Variants in USP34 observed in about 807,000 individuals in gnomAD.
USP34 encodes the protein ubiquitin specific peptidase 34.
In USP34, 70 loss-of-function variants were observed where a neutral mutation model predicts 460.3. The observed-to-expected ratio is 0.15, with a 90% CI of 0.13 to 0.19. USP34 has a LOEUF of 0.19. USP34 is among the 10% of genes least tolerant of loss of function. The pLI is 1.00. For missense variants in USP34, 3,985 were observed against 4,236.2 expected (o/e 0.94, Z 1.65); for synonymous variants, 1,647 against 1,405.3 (o/e 1.17, Z -3.85).
intron 1 of USP34, among the ~76,000 whole-genome samples, chr2:61,465,570 T>A (rs1034018496): frequency 1.3e-5 from 2 of 152,120 alleles, no homozygotes; most frequent in African/African-American, 4.8e-5. Flanking sequence ...TGGCCAGGCA[T>A]GGTAGCTCAT....
chr2:61,214,198 A>G lies in USP34; in HGVS notation c.8544T>C (p.Arg2848=). The G allele has an allele frequency of 6.2e-7, 1 of 1,614,220 alleles. No individual in the cohort carries two copies. Among genetic ancestry groups the G allele is most frequent in the Non-Finnish European group, 8.5e-7 (1 of 1,180,026 alleles). Residue 2848 remains arginine (R), a synonymous_variant, in exon 68 of 80, where the codon CGT becomes CGC. Transcript: ENST00000398571. ...HDDQDVVLFN[R]GMLPAYYGIL... is the part of the protein sequence containing the mutation. ...TGCCATAGTACGCTGGCAGCATCCC[A>G]CGGTTAAAAAGCACCACATCCTGAT...
At chr2:61,334,352 G>C (rs1346008346) in intron 18 of USP34, among the ~76,000 whole-genome samples, 2 of 151,978 alleles carry the variant, frequency 1.3e-5, no homozygotes, top group Non-Finnish European at 2.9e-5. Flanking sequence ...GTCACTAATG[G>C]AAGCACACCA....
intron 1 of USP34, among the ~76,000 whole-genome samples, chr2:61,466,625 T>C (rs927586933): frequency 3.9e-5 from 6 of 151,930 alleles, no homozygotes; most frequent in Non-Finnish European, 7.4e-5. Flanking sequence ...TAAACAAAAT[T>C]TTTAGGCCAG....
At chr2:61,357,761 G>A (rs1692149631) in intron 10 of USP34, among the ~76,000 whole-genome samples, 1 of 152,186 alleles carries the variant, frequency 6.6e-6, no homozygotes, top group African/African-American at 2.4e-5. Flanking sequence ...AAATTAGCCA[G>A]GAGTGGTGGC....
chr2:61,214,734 T>C (rs1687352941), intron 67 of USP34, 40 bp from the exon 68 acceptor site: 1 of 1,601,000 alleles, frequency 6.2e-7, no homozygotes. Flanking sequence ...CCTTGTAAGA[T>C]ATAAAATAGA....
At chr2:61,465,760 G>A (rs561211281) in intron 1 of USP34, among the ~76,000 whole-genome samples, 3 of 151,704 alleles carry the variant, frequency 2.0e-5, no homozygotes, top group East Asian at 2.0e-4. Context: ...GGTGGATCAC[G>A]AGGTCAAGAG....
intron 20 of USP34, among the ~76,000 whole-genome samples, chr2:61,326,507 T>C (rs1691094582): frequency 6.6e-6 from 1 of 151,930 alleles, no homozygotes; most frequent in Admixed American, 6.6e-5. Context: ...GGATTACAGG[T>C]GTCAGCATGA....
chr2:61,385,986 G>C (rs1413533434), intron 5 of USP34, among the ~76,000 whole-genome samples: 1 of 133,144 alleles, frequency 7.5e-6, no homozygotes, highest in Non-Finnish European at 1.6e-5. Context: ...GACAAAGTGA[G>C]ACTCTGTCTC....
In USP34 at chr2:61,405,869, T is replaced by C. The variant is rs371735591; in HGVS notation, c.391A>G (p.Ile131Val). 11 of 1,613,786 alleles carry C rather than the reference T, an allele frequency of 6.8e-6. No individual in the cohort carries two copies. Among genetic ancestry groups the C allele is most frequent in the Admixed American group, 1.7e-5 (1 of 59,952 alleles). The stretch of plus-strand genomic sequence containing the variant: ...GATTCCTCCTCAGTCAGATTACAAA[T>C]TCTTGTAGAGTTTGATTTTTTTTCT... ...SIEKKSNSTRICNLTEEESSK... is the reference protein window; with the variant it reads ...SIEKKSNSTRVCNLTEEESSK... The change falls in exon 3 of 80, where the codon ATT (isoleucine) becomes GTT (valine). Residue 131 changes from isoleucine to valine, a missense_variant. Ile to Val is a conservative substitution (Grantham distance 29, BLOSUM62 3). Coordinates refer to ENST00000398571, the MANE Select transcript of USP34 (RefSeq NM_014709.4).
At chr2:61,383,539 C>T (rs1295801267) in intron 5 of USP34, among the ~76,000 whole-genome samples, 1 of 152,042 alleles carries the variant, frequency 6.6e-6, no homozygotes, top group Non-Finnish European at 1.5e-5. Context: ...CCCGTATCTA[C>T]TAAAAACACA....
intron 67 of USP34, among the ~76,000 whole-genome samples, chr2:61,217,950 A>G (rs1687450138): frequency 6.6e-6 from 1 of 152,136 alleles, no homozygotes; most frequent in African/African-American, 2.4e-5. Context: ...GCAAGACTCC[A>G]TCTCGAAAGA....
chr2:61,405,906 T>C lies in USP34; in HGVS notation c.354A>G (p.Arg118=). 1 of 1,613,790 alleles carries C rather than the reference T, an allele frequency of 6.2e-7. No homozygotes were observed. Among genetic ancestry groups the C allele is most frequent in the Non-Finnish European group, 8.5e-7 (1 of 1,179,964 alleles). Residue 118 remains arginine, a synonymous_variant, in exon 3 of 80, where the codon AGA becomes AGG. Coordinates refer to ENST00000398571, the MANE Select transcript of USP34 (RefSeq NM_014709.4). The part of the protein sequence containing the change: ...DRECNEGSTE[R]QKSIEKKSNS... Reference sequence around the variant, plus strand: ...TTGATTTTTTTTCTATTGATTTTTGTCTTTCTGTACTTCCTTCATTACACT... The same window carrying C: ...TTGATTTTTTTTCTATTGATTTTTGCCTTTCTGTACTTCCTTCATTACACT...
chr2:61,462,337 C>G (rs896994049), intron 1 of USP34, among the ~76,000 whole-genome samples: 1 of 151,666 alleles, frequency 6.6e-6, no homozygotes, highest in Non-Finnish European at 1.5e-5. Flanking sequence ...TCACTTGAGG[C>G]TAGGAGTTTG....
At chr2:61,366,971 C>T (rs1216809914) in intron 10 of USP34, among the ~76,000 whole-genome samples, 1 of 152,082 alleles carries the variant, frequency 6.6e-6, no homozygotes. Context: ...ATAACTTGAG[C>T]CCAGGAGGCA....
intron 75 of USP34, among the ~76,000 whole-genome samples, chr2:61,195,616 G>T (rs977723510): frequency 9.2e-5 from 14 of 151,742 alleles, no homozygotes; most frequent in African/African-American, 2.9e-4. Flanking sequence ...AAGTTGCAAT[G>T]AGACGAGATT....
In USP34 at chr2:61,206,776, A is replaced by C. The variant is rs184236134; in HGVS notation, c.9030T>G (p.Pro3010=). 1.9e-5 allele frequency: 31 copies of C among 1,613,544 alleles called. No homozygotes were observed. The highest frequency in any genetic ancestry group is 3.3e-5 in the Admixed American group (2 of 59,932). The change falls in exon 71 of 80, where the codon CCT becomes CCG. Residue 3010 remains proline (P), a synonymous_variant. Transcript: ENST00000398571. ...IFLSVLKSTR[P]YLQRKDVKQA... is the part of the protein sequence containing the mutation. Reference sequence around the variant, plus strand: ...TGAGCAAACCTTTTCTCTGAAGATAAGGGCGTGTAGACTTCAAAACCGAAA... The same window carrying C: ...TGAGCAAACCTTTTCTCTGAAGATACGGGCGTGTAGACTTCAAAACCGAAA...
chr2:61,344,156 T>C (rs1177605059), intron 15 of USP34, 127 bp from the exon 16 acceptor site: 3 of 823,922 alleles, frequency 3.6e-6, no homozygotes, highest in Non-Finnish European at 3.7e-6. Flanking sequence ...TTATTAACAA[T>C]ATGGAATGTT....
chr2:61,221,605 G>A lies in USP34; in HGVS notation c.7796C>T (p.Ala2599Val). 6.2e-7 allele frequency: 1 copy of A among 1,613,748 alleles called. No individual in the cohort carries two copies. Among genetic ancestry groups the A allele is most frequent in the African/African-American group, 1.3e-5 (1 of 75,024 alleles). Residue 2599 changes from alanine to valine, a missense_variant and splice_region_variant, in exon 66 of 80, where the codon GCA becomes GTA. Ala to Val is a moderately conservative substitution (Grantham distance 64). Transcript: ENST00000398571. ...FTSIAKLTPE[A>V]ANPFFKLLTM... ...CAACAACTTAAAGAAAGGATTGGCT[G>A]CCTGTAAAACACATACATGACTGTG...
At chr2:61,217,697 T>C (rs1572843587) in intron 67 of USP34, among the ~76,000 whole-genome samples, 1 of 152,206 alleles carries the variant, frequency 6.6e-6, no homozygotes, top group African/African-American at 2.4e-5. Flanking sequence ...GGCTCACGCC[T>C]ATAATCCAGC....
Sources: allele counts gnomAD v4.1 joint callset (sites outside exome capture counted in the v4.1 genomes callset), GRCh38; gene constraint gnomAD v4.1.1; transcripts MANE v1.5; gene names NCBI Gene and HGNC (gene_info 2026-07-23, HGNC 2026-07-21).